The following ZFHX3 variants were observed in gnomAD, a reference collection of about 807,000 sequenced individuals.
ZFHX3 encodes the protein zinc finger homeobox protein 3.
Under a neutral mutation model 279.1 loss-of-function variants are expected in ZFHX3, and 42 were observed. The ratio of observed to expected loss-of-function variants is 0.15; its 90% CI spans 0.12 to 0.19. ZFHX3 has a LOEUF of 0.19. Ranked by LOEUF, ZFHX3 falls within the 10% of genes least tolerant of loss-of-function variation. ZFHX3 has a pLI of 1.00. For synonymous variants in ZFHX3, 2,293 were observed against 1,957.8 expected, an observed-to-expected ratio of 1.17 and a Z score of -4.52; for missense variants, 4,981 against 4,754.0, an observed-to-expected ratio of 1.05 and a Z score of -1.40.
chr16:73,100,445 T>C (rs1268316463), intron 7 of ZFHX3, among the ~76,000 whole-genome samples: 3 of 152,210 alleles, frequency 2.0e-5, no homozygotes, highest in Non-Finnish European at 4.4e-5. Context: ...TTTGCAACTC[T>C]TTGGCAGAAT....
At chr16:73,864,299 A>C (rs1961955706) in intron 1 of ZFHX3, among the ~76,000 whole-genome samples, 1 of 152,252 alleles carries the variant, frequency 6.6e-6, no homozygotes, top group Non-Finnish European at 1.5e-5. Context: ...CCCTCAGAGC[A>C]ATCCTTCATT....
At chr16:73,427,414 C>T (rs1433042474) in intron 3 of ZFHX3, among the ~76,000 whole-genome samples, 1 of 152,116 alleles carries the variant, frequency 6.6e-6, no homozygotes, top group Non-Finnish European at 1.5e-5. Flanking sequence ...GTGTGTGTAT[C>T]GGCAGCCTGC....
At chr16:73,105,370 CATATATATATATACACACACACACAT>C (rs1567389771) in intron 7 of ZFHX3, among the ~76,000 whole-genome samples, 1 of 112,534 alleles carries the variant, frequency 8.9e-6, no homozygotes, top group East Asian at 2.5e-4. Flanking sequence ...TATATACACA[CATATATATATATACACACACACACAT>C]ATATATATAT....
At chr16:73,781,252 C>T (rs1156938694) in intron 1 of ZFHX3, among the ~76,000 whole-genome samples, 2 of 152,182 alleles carry the variant, frequency 1.3e-5, no homozygotes, top group Non-Finnish European at 2.9e-5. Flanking sequence ...TCTCAAACTT[C>T]AACATTCATC....
At chr16:73,625,235 A>G (rs1282542773) in intron 2 of ZFHX3, among the ~76,000 whole-genome samples, 1 of 152,248 alleles carries the variant, frequency 6.6e-6, no homozygotes, top group African/African-American at 2.4e-5. Flanking sequence ...CTAAATTTTT[A>G]GAATGCTGCT....
chr16:73,540,016 G>C (rs2019983289), intron 2 of ZFHX3, among the ~76,000 whole-genome samples: 1 of 152,202 alleles, frequency 6.6e-6, no homozygotes, highest in Admixed American at 6.5e-5. Context: ...TTCCAAATAT[G>C]ATCGCTGTTA....
intron 3 of ZFHX3, among the ~76,000 whole-genome samples, chr16:72,891,580 T>A (rs866024532): frequency 6.6e-6 from 1 of 152,102 alleles, no homozygotes; most frequent in African/African-American, 2.4e-5. Flanking sequence ...TGGGTACACA[T>A]GAAGCAAGGG....
chr16:73,259,044 C>T (rs2013741690), intron 4 of ZFHX3, among the ~76,000 whole-genome samples: 1 of 152,170 alleles, frequency 6.6e-6, no homozygotes, highest in Non-Finnish European at 1.5e-5. Flanking sequence ...GCTACGGTTT[C>T]AATTCCTTTA....
chr16:73,812,012 G>A (rs566520686), intron 1 of ZFHX3, among the ~76,000 whole-genome samples: 10 of 152,258 alleles, frequency 6.6e-5, no homozygotes, highest in South Asian at 2.1e-4. Context: ...ACAGAGGCAC[G>A]AAGAGATTAA....
At chr16:73,542,631 G>C (rs937495822) in intron 2 of ZFHX3, among the ~76,000 whole-genome samples, 1 of 152,080 alleles carries the variant, frequency 6.6e-6, no homozygotes, top group Non-Finnish European at 1.5e-5. Context: ...GGAAATATCT[G>C]GATTTAAAAG....
chr16:73,360,979 T>C (rs1295920372), intron 3 of ZFHX3, among the ~76,000 whole-genome samples: 1 of 152,034 alleles, frequency 6.6e-6, no homozygotes, highest in Non-Finnish European at 1.5e-5. Flanking sequence ...AAAAGAAAGA[T>C]AATGAAAAAG....
chr16:73,761,667 A>T (rs934637896), intron 1 of ZFHX3, among the ~76,000 whole-genome samples: 1 of 152,220 alleles, frequency 6.6e-6, no homozygotes, highest in African/African-American at 2.4e-5. Flanking sequence ...TAAAGAACTC[A>T]GAAATAAGAC....
At chr16:73,012,125 C>A (rs141791068) in intron 1 of ZFHX3, among the ~76,000 whole-genome samples, 1 of 152,320 alleles carries the variant, frequency 6.6e-6, no homozygotes, top group African/African-American at 2.4e-5. Context: ...CTCAGCAGGG[C>A]TTTGAAACCA....
At chr16:73,386,327 T>C (rs1232321733) in intron 3 of ZFHX3, among the ~76,000 whole-genome samples, 1 of 152,190 alleles carries the variant, frequency 6.6e-6, no homozygotes, top group Non-Finnish European at 1.5e-5. Flanking sequence ...TTTAACCAGA[T>C]AGATCTGGAT....
intron 2 of ZFHX3, among the ~76,000 whole-genome samples, chr16:73,552,785 A>G (rs962269840): frequency 6.6e-6 from 1 of 152,194 alleles, no homozygotes; most frequent in African/African-American, 2.4e-5. Context: ...CTTTTTATGT[A>G]TTAAAAAAAC....
At chr16:73,725,141 C>A (rs1239305918) in intron 1 of ZFHX3, among the ~76,000 whole-genome samples, 1 of 152,216 alleles carries the variant, frequency 6.6e-6, no homozygotes, top group Non-Finnish European at 1.5e-5. Flanking sequence ...TGACAAACAT[C>A]TGGTCAATCA....
At chr16:73,739,918 C>G (rs1296457744) in intron 1 of ZFHX3, among the ~76,000 whole-genome samples, 2 of 152,152 alleles carry the variant, frequency 1.3e-5, no homozygotes, top group Non-Finnish European at 2.9e-5. Context: ...ATGTCCACCT[C>G]CACTCTGTAT....
chr16:73,883,425 G>A (rs1330062764), intron 1 of ZFHX3, among the ~76,000 whole-genome samples: 3 of 135,290 alleles, frequency 2.2e-5, no homozygotes, highest in African/African-American at 8.0e-5. Flanking sequence ...GTGTGTGTGT[G>A]TGTATATGAA....
chr16:73,613,438 C>CTTTTTTT (rs5817854), intron 2 of ZFHX3, among the ~76,000 whole-genome samples: 3 of 149,126 alleles, frequency 2.0e-5, no homozygotes, highest in Non-Finnish European at 3.0e-5. Context: ...TTAGCTTTTG[C>CTTTTTTT]TTTTTTTGTT....
Sources: allele counts gnomAD v4.1 joint callset (sites outside exome capture counted in the v4.1 genomes callset), GRCh38; gene constraint gnomAD v4.1.1; transcripts MANE v1.5; gene names NCBI Gene and HGNC (gene_info 2026-07-23, HGNC 2026-07-21).